EMILIN2: variants seen among roughly 807,000 people sequenced by gnomAD.
EMILIN2 encodes the protein elastin microfibril interfacer 2.
A neutral mutation model predicts 87.1 loss-of-function variants in EMILIN2; 71 were observed. The ratio of observed to expected loss-of-function variants is 0.82; its 90% CI spans 0.67 to 0.99. EMILIN2 has a LOEUF of 0.99. EMILIN2 is among the 50% of genes least tolerant of loss of function. EMILIN2 has a pLI of 0.00. For synonymous variants in EMILIN2, 581 were observed against 563.4 expected (o/e 1.03, Z -0.44); for missense variants, 1,407 against 1,371.8 (o/e 1.03, Z -0.40).
chr18:2,864,109 T>A (rs2076674560), intron 2 of EMILIN2, among the ~76,000 whole-genome samples: 1 of 152,242 alleles, frequency 6.6e-6, no homozygotes, highest in African/African-American at 2.4e-5. Context: ...TGAGTCTATG[T>A]GTGTCTCTGC....
rs1031602837 is a variant in EMILIN2, at chr18:2,914,274, T to C, written c.*870T>C. The C allele has an allele frequency of 6.6e-6, 1 of 152,210 alleles. No individual in the cohort carries two copies. The highest frequency in any genetic ancestry group is 1.9e-4 in the East Asian group (1 of 5,202). The allele number at this position is 152,210 out of a possible 1,614,324, so 9.4% of individuals were successfully genotyped here. The stretch of plus-strand genomic sequence containing the variant: ...CTGGCTTGTGAAGACGGACCAGATG[T>C]GCACGGAGGTCAAGGCCCCATGTCA... On this transcript the variant is annotated 3_prime_UTR_variant, in exon 8 of 8. Coordinates refer to ENST00000254528, the MANE Select transcript of EMILIN2 (RefSeq NM_032048.3).
chr18:2,891,470 C>CA lies in EMILIN2; in HGVS notation c.1347dup (p.Trp450MetfsTer3). On this transcript the variant is annotated frameshift_variant, in exon 4 of 8. Coordinates refer to ENST00000254528, the MANE Select transcript of EMILIN2 (RefSeq NM_032048.3). LOFTEE classifies it high-confidence loss of function. This position sits in a 1 kb window ranked among gnomAD's most constrained non-coding sequence, Gnocchi z 4.6. ...CCAGAGCCAGATGTGGATTTTGATGCAAAATGGAATGAACTCGATGCAAGG... is the reference window on the plus strand; with the variant it reads ...CCAGAGCCAGATGTGGATTTTGATGCAAAAATGGAATGAACTCGATGCAAGG... 6.2e-7 allele frequency: 1 copy of CA among 1,614,088 alleles called. No individual in the cohort carries two copies. The highest frequency in any genetic ancestry group is 8.5e-7 in the Non-Finnish European group (1 of 1,180,020).
intron 4 of EMILIN2, among the ~76,000 whole-genome samples, chr18:2,905,061 C>CCT (rs1317332183): frequency 2.0e-5 from 3 of 152,148 alleles, no homozygotes; most frequent in Admixed American, 1.3e-4. Flanking sequence ...TCTAACCCAG[C>CCT]CTTTCTCAAC....
intron 4 of EMILIN2, among the ~76,000 whole-genome samples, chr18:2,903,754 A>G (rs1418999860): frequency 6.6e-6 from 1 of 152,090 alleles, no homozygotes; most frequent in Non-Finnish European, 1.5e-5. Context: ...CATAAAAAGT[A>G]TCAGATCATT....
chr18:2,909,895 G>T (rs371900231), intron 7 of EMILIN2, 76 bp downstream of exon 7: 8 of 1,575,520 alleles, frequency 5.1e-6, no homozygotes, highest in Non-Finnish European at 6.0e-6. Flanking sequence ...ACCATGGCTG[G>T]CTGGTTCCCA....
rs2076585054 is a variant in EMILIN2 at position 2,848,059 on chromosome 18, C to G, written c.257+128C>G. ...TCCAGATCCGGTGAAAAGCCCGCAG[C>G]GGAAAAGCGCTCCGAGCGCTCGCGG... On this transcript the variant is annotated intron_variant, in intron 2 of 7. Coordinates refer to ENST00000254528, the MANE Select transcript of EMILIN2 (RefSeq NM_032048.3). This position sits in a 1 kb window ranked among gnomAD's most constrained non-coding sequence, Gnocchi z 4.1. 8 of 1,244,972 alleles carry G rather than the reference C, an allele frequency of 6.4e-6. No homozygotes were observed. In the South Asian group the frequency reaches 1.3e-4, roughly 20 times the overall value. The allele number at this position is 1,244,972 out of a possible 1,614,324, so 77.1% of individuals were successfully genotyped here. A position where few individuals can be genotyped will look rare whatever the true frequency, so the allele number is the denominator to read the frequency against.
Position 2,890,997 on chromosome 18 carries a change from C to T in EMILIN2, c.870C>T (p.Tyr290=), listed in dbSNP as rs751358725. Reference sequence around the variant, plus strand: ...AGCTGGATGGAAAAGTGAAGGGCTACGAAGGGCAGCTCAGACAGCTCCAGG... The same window carrying T: ...AGCTGGATGGAAAAGTGAAGGGCTATGAAGGGCAGCTCAGACAGCTCCAGG... ...LEELDGKVKG[Y]EGQLRQLQEA... The change falls in exon 4 of 8, where the codon TAC becomes TAT. Residue 290 remains tyrosine, a synonymous_variant. Transcript: ENST00000254528. The surrounding 1 kb of genome is among the most constrained non-coding windows in gnomAD (Gnocchi z 4.7). 1.7e-5 allele frequency: 27 copies of T among 1,614,042 alleles called. No individual in the cohort carries two copies. Among genetic ancestry groups the T allele is most frequent in the African/African-American group, 8.0e-5 (6 of 74,918 alleles).
Position 2,870,163 on chromosome 18 carries a change from C to G in EMILIN2, c.258-14801C>G, listed in dbSNP as rs367548870. Among the ~76,000 whole-genome samples, 51 of 152,214 alleles carry G rather than the reference C, an allele frequency of 3.4e-4. No homozygotes were observed. The South Asian group carries it at 1.0e-2, about 30-fold the overall frequency. ...GGCTGAGGTGGGAGGATCGCTTGGG[C>G]TGGGGAGGTTGAGGCTACAGTGAAC... On this transcript the variant is annotated intron_variant, in intron 2 of 7. Transcript: ENST00000254528.
At chr18:2,895,414 T>A (rs1019129257) in intron 4 of EMILIN2, among the ~76,000 whole-genome samples, 1 of 152,204 alleles carries the variant, frequency 6.6e-6, no homozygotes, top group South Asian at 2.1e-4. Context: ...ATTAGCTATT[T>A]ATTGCTTTAT....
intron 2 of EMILIN2, among the ~76,000 whole-genome samples, chr18:2,881,475 C>G (rs1191473090): frequency 6.6e-6 from 1 of 152,150 alleles, no homozygotes; most frequent in African/African-American, 2.4e-5. Context: ...GGAGCTGGCC[C>G]CAAAATAAAA....
rs1038935345 is a variant in EMILIN2 at position 2,848,670 on chromosome 18, C to T, written c.257+739C>T. Among the ~76,000 whole-genome samples the T allele has an allele frequency of 2.8e-4, 4 of 14,316 alleles. No individual in the cohort carries two copies. The highest frequency in any genetic ancestry group is 5.0e-4 in the Non-Finnish European group (4 of 8,026). 9.4% of individuals were successfully genotyped at this position (14,316 alleles called of 152,430 possible). On this transcript the variant is annotated intron_variant, in intron 2 of 7. Transcript: ENST00000254528. This position sits in a 1 kb window ranked among gnomAD's most constrained non-coding sequence, Gnocchi z 4.1. ...TACATGACACTCATTCAATTGTCAT[C>T]AGGCAAGTCTTTGGGGGTTTTGTAT... is the stretch of plus-strand genomic sequence containing the variant.
In EMILIN2 at chr18:2,907,083, C is replaced by G; in HGVS notation, c.2660C>G (p.Pro887Arg). Residue 887 changes from proline to arginine, a missense_variant and splice_region_variant, in exon 5 of 8, where the codon CCA becomes CGA. Transcript: ENST00000254528. ...GGCGCAGAAGGCTTCGCGGGCGCAC[C>G]AGGTGAGGCCCGGGGCTGCGCGGGG... ...VPGAEGFAGAPGYPKSPPVAS... is the reference protein window; with the variant it reads ...VPGAEGFAGARGYPKSPPVAS... 8.0e-7 allele frequency: 1 copy of G among 1,249,332 alleles called. No individual in the cohort carries two copies. The highest frequency in any genetic ancestry group is 1.0e-6 in the Non-Finnish European group (1 of 998,672). The allele number at this position is 1,249,332 out of a possible 1,614,324, so 77.4% of individuals were successfully genotyped here. A position where few individuals can be genotyped will look rare whatever the true frequency, so the allele number is the denominator to read the frequency against.
In EMILIN2 at chr18:2,848,394, G is replaced by A. The variant is rs1265027279; in HGVS notation, c.257+463G>A. On this transcript the variant is annotated intron_variant, in intron 2 of 7. Coordinates refer to ENST00000254528, the MANE Select transcript of EMILIN2 (RefSeq NM_032048.3). The surrounding 1 kb of genome is among the most constrained non-coding windows in gnomAD (Gnocchi z 4.1). ...TAAAACGAGTGAGTTCTGTCCGTAT[G>A]TCCCCATAAAACGGAATCTTCCAGT... 2.0e-5 allele frequency among the ~76,000 whole-genome samples: 3 copies of A among 152,094 alleles called. No individual in the cohort carries two copies. The highest frequency in any genetic ancestry group is 4.4e-5 in the Non-Finnish European group (3 of 68,032).
intron 2 of EMILIN2, among the ~76,000 whole-genome samples, chr18:2,856,146 G>A (rs1480647001): frequency 6.6e-6 from 1 of 152,078 alleles, no homozygotes; most frequent in African/African-American, 2.4e-5. Context: ...AGGCTGAGGC[G>A]GGAGGATCGC....
At chr18:2,905,245 G>A (rs567829632) in intron 4 of EMILIN2, among the ~76,000 whole-genome samples, 1 of 135,290 alleles carries the variant, frequency 7.4e-6, no homozygotes, top group East Asian at 2.2e-4. Context: ...AGGAAAGGCT[G>A]TTGGAGAAAC....
Position 2,914,593 on chromosome 18 carries a change from G to A in EMILIN2, c.*1189G>A, listed in dbSNP as rs945951471. The stretch of plus-strand genomic sequence containing the variant: ...GACCTCTCAGCACCCTTAGTTCAAG[G>A]TAGTCTCTGTGGATCAGGTTGGTAA... On this transcript the variant is annotated 3_prime_UTR_variant, in exon 8 of 8. Transcript: ENST00000254528. 6.6e-6 allele frequency: 1 copy of A among 152,178 alleles called. No homozygotes were observed. The highest frequency in any genetic ancestry group is 1.5e-5 in the Non-Finnish European group (1 of 68,044). The allele number at this position is 152,178 out of a possible 1,614,324, so 9.4% of individuals were successfully genotyped here.
intron 2 of EMILIN2, among the ~76,000 whole-genome samples, chr18:2,872,417 C>T (rs624090): frequency 0.62 from 93,902 of 152,016 alleles, 30,051 homozygotes; most frequent in African/African-American, 0.78. Flanking sequence ...ATATGGGGTC[C>T]CACCATGTTG....
intron 2 of EMILIN2, among the ~76,000 whole-genome samples, chr18:2,872,176 G>T (rs1012657241): frequency 6.6e-6 from 1 of 152,194 alleles, no homozygotes. Context: ...TGGTGCCTGG[G>T]TACCACCTGG....
intron 2 of EMILIN2, among the ~76,000 whole-genome samples, chr18:2,883,863 G>A (rs751189456): frequency 1.3e-5 from 2 of 152,236 alleles, no homozygotes; most frequent in Non-Finnish European, 2.9e-5. Flanking sequence ...ATCTGCAAAA[G>A]CTGGTGGCTA....
Sources: gnomAD v4.1 joint callset for allele counts (sites outside exome capture counted in the v4.1 genomes callset) on GRCh38, gnomAD v4.1.1 for gene constraint, Gnocchi (gnomAD v3.1) non-coding constraint, MANE v1.5 for transcripts, NCBI Gene and HGNC (gene_info 2026-07-23, HGNC 2026-07-21) for gene names.